The following NAALADL2 variants were observed in gnomAD, a reference collection of about 807,000 sequenced individuals.
The protein encoded by NAALADL2 is N-acetylated alpha-linked acidic dipeptidase like 2, also known as inactive N-acetylated-alpha-linked acidic dipeptidase-like protein 2.
In NAALADL2, 76 loss-of-function variants were observed where a neutral mutation model predicts 87.2. The ratio of observed to expected loss-of-function variants is 0.87; its 90% CI spans 0.72 to 1.05. NAALADL2 has a LOEUF of 1.05. NAALADL2 is among the 50% of genes least tolerant of loss of function. The pLI is 0.00. For missense variants in NAALADL2, 1,089 were observed against 945.8 expected, an observed-to-expected ratio of 1.15 and a Z score of -1.99; for synonymous variants, 354 against 331.0, an observed-to-expected ratio of 1.07 and a Z score of -0.75.
intron 5 of NAALADL2, among the ~76,000 whole-genome samples, chr3:175,369,357 G>A (rs1459315931): frequency 6.7e-6 from 1 of 150,164 alleles, no homozygotes; most frequent in East Asian, 2.0e-4. Context: ...ACATATACAT[G>A]TTACATTTAC....
intron 2 of NAALADL2, among the ~76,000 whole-genome samples, chr3:175,119,246 C>T (rs1041222044): frequency 6.6e-6 from 1 of 151,160 alleles, no homozygotes; most frequent in African/African-American, 2.4e-5. Context: ...GAATAAAGTG[C>T]CATATAACCA....
At chr3:175,308,737 G>A (rs2110283446) in intron 4 of NAALADL2, among the ~76,000 whole-genome samples, 1 of 152,218 alleles carries the variant, frequency 6.6e-6, no homozygotes, top group South Asian at 2.1e-4. Context: ...GACCTCTGAT[G>A]GGTTTGTACT....
At chr3:175,580,670 C>A (rs796983865) in intron 10 of NAALADL2, among the ~76,000 whole-genome samples, 6 of 152,140 alleles carry the variant, frequency 3.9e-5, no homozygotes, top group South Asian at 4.1e-4. Context: ...ACCTTTTCTA[C>A]TTCAAAGTGT....
intron 6 of NAALADL2, among the ~76,000 whole-genome samples, chr3:175,450,735 C>T (rs139554303): frequency 2.4e-4 from 36 of 152,224 alleles, no homozygotes; most frequent in Non-Finnish European, 4.3e-4. Context: ...CAAAGCTACT[C>T]ATAAAATGTT....
chr3:175,734,326 G>A (rs184545125), intron 11 of NAALADL2, among the ~76,000 whole-genome samples: 142 of 152,230 alleles, frequency 9.3e-4, no homozygotes, highest in African/African-American at 2.5e-3. Flanking sequence ...AGGCCAAAGC[G>A]GAAGGATCAT....
At chr3:174,608,699 A>G (rs1026897696) in intron 2 of NAALADL2, among the ~76,000 whole-genome samples, 3 of 151,510 alleles carry the variant, frequency 2.0e-5, no homozygotes, top group Admixed American at 6.6e-5. Flanking sequence ...AGAGTCCAGG[A>G]CCAGATGGAT....
Position 175,808,591 on chromosome 3 carries a change from G to A in NAALADL2, c.*5388G>A, listed in dbSNP as rs1754899104. 1.3e-5 allele frequency: 2 copies of A among 151,896 alleles called. No homozygotes were observed. Among genetic ancestry groups the A allele is most frequent in the African/African-American group, 4.8e-5 (2 of 41,408 alleles). 9.4% of individuals were successfully genotyped at this position (151,896 alleles called of 1,614,324 possible). ...TTTCTTTGATGGCTTAAGCCAATAA[G>A]CACTGAGGTAGCTTTTCTCAGAAGG... On this transcript the variant is annotated 3_prime_UTR_variant, in exon 14 of 14. Coordinates refer to ENST00000454872, the MANE Select transcript of NAALADL2 (RefSeq NM_207015.3).
intron 11 of NAALADL2, among the ~76,000 whole-genome samples, chr3:175,652,906 C>A (rs1730977574): frequency 2.0e-5 from 3 of 152,132 alleles, no homozygotes; most frequent in South Asian, 2.1e-4. Flanking sequence ...TTTTGACTCT[C>A]CAAAAACTTA....
intron 3 of NAALADL2, among the ~76,000 whole-genome samples, chr3:174,763,933 C>A (rs73174730): frequency 0.1 from 15,300 of 152,016 alleles, 972 homozygotes; most frequent in Non-Finnish European, 0.14. Context: ...ACCAATCAGC[C>A]TTCTTCCTCT....
At chr3:175,452,795 G>A (rs1721771880) in intron 6 of NAALADL2, among the ~76,000 whole-genome samples, 1 of 152,136 alleles carries the variant, frequency 6.6e-6, no homozygotes, top group African/African-American at 2.4e-5. Flanking sequence ...AAGAGCTTCA[G>A]AATTCACTTT....
chr3:175,314,663 T>G (rs1369203382), intron 4 of NAALADL2, among the ~76,000 whole-genome samples: 3 of 54,394 alleles, frequency 5.5e-5, no homozygotes, highest in East Asian at 1.1e-3. Context: ...TATATAGTTC[T>G]AACTATATAT....
At chr3:174,845,458 G>C (rs1225063867) in intron 3 of NAALADL2, among the ~76,000 whole-genome samples, 1 of 152,194 alleles carries the variant, frequency 6.6e-6, no homozygotes, top group Non-Finnish European at 1.5e-5. Context: ...GGCACCTCTT[G>C]GCTGGCTGTC....
At chr3:174,885,885 T>G (rs867596842) in intron 1 of NAALADL2, among the ~76,000 whole-genome samples, 1,066 of 13,426 alleles carry the variant, frequency 0.079, 24 homozygotes, top group African/African-American at 0.26. Context: ...TGTTTTTTTT[T>G]TTTTTTTTTT....
intron 3 of NAALADL2, among the ~76,000 whole-genome samples, chr3:174,748,285 T>C (rs1047470083): frequency 6.6e-6 from 1 of 151,976 alleles, no homozygotes; most frequent in African/African-American, 2.4e-5. Context: ...AAGGAACCTG[T>C]ATGTCCTGCA....
chr3:174,814,195 AC>A (rs932916635), intron 3 of NAALADL2, among the ~76,000 whole-genome samples: 38 of 151,734 alleles, frequency 2.5e-4, no homozygotes, highest in Middle Eastern at 6.8e-3. Flanking sequence ...TGCAAGCTCC[AC>A]CCCCCGGGTT....
At chr3:175,524,310 G>A (rs1560701584) in intron 9 of NAALADL2, among the ~76,000 whole-genome samples, 1 of 152,144 alleles carries the variant, frequency 6.6e-6, no homozygotes, top group Non-Finnish European at 1.5e-5. Flanking sequence ...ATTATCTAGA[G>A]CAAGGTTTCT....
intron 2 of NAALADL2, among the ~76,000 whole-genome samples, chr3:174,649,345 T>A (rs1053320020): frequency 3.3e-5 from 5 of 152,180 alleles, no homozygotes; most frequent in Admixed American, 1.3e-4. Context: ...GTCTTAGAAA[T>A]TAGATTAGCA....
At chr3:175,425,854 A>C (rs2149139983) in intron 5 of NAALADL2, among the ~76,000 whole-genome samples, 2 of 152,310 alleles carry the variant, frequency 1.3e-5, no homozygotes, top group South Asian at 4.1e-4. Context: ...AATATATTTA[A>C]GTAATCCTCT....
chr3:174,752,493 T>G (rs924108261), intron 3 of NAALADL2, among the ~76,000 whole-genome samples: 5 of 152,294 alleles, frequency 3.3e-5, no homozygotes, highest in African/African-American at 1.2e-4. Context: ...AATAATTGAT[T>G]ATTACTCTTA....
Sources: allele counts gnomAD v4.1 joint callset (sites outside exome capture counted in the v4.1 genomes callset), GRCh38; gene constraint gnomAD v4.1.1; transcripts MANE v1.5; gene names NCBI Gene and HGNC (gene_info 2026-07-23, HGNC 2026-07-21).